TCF12: variants seen among roughly 807,000 people sequenced by gnomAD.
The protein encoded by TCF12 is transcription factor 12, also known as DNA-binding protein HTF4.
TCF12 carries 45 observed loss-of-function variants against 86.0 expected under a neutral mutation model. The ratio of observed to expected loss-of-function variants is 0.52; its 90% CI spans 0.41 to 0.67. The LOEUF (loss-of-function observed/expected upper bound fraction) is 0.67, where lower values mean the gene tolerates loss of function less well. Ranked by LOEUF, TCF12 falls within the 30% of genes least tolerant of loss-of-function variation. The probability of loss-of-function intolerance (pLI) is 0.00; values close to 1 mark genes in which losing one functional copy is unlikely to be tolerated. For synonymous variants in TCF12, 330 were observed against 299.6 expected (o/e 1.10, Z -1.05); for missense variants, 881 against 859.9 (o/e 1.02, Z -0.31).
Position 57,017,901 on chromosome 15 carries a change from T to C in TCF12, c.149-45849T>C, listed in dbSNP as rs542862297. On this transcript the variant is annotated intron_variant, in intron 3 of 20. Transcript: ENST00000333725. ...TAGAAAAGAAGGGATTGTCACATAA[T>C]ATAATCTGGGAAAGAAGGCAAGGGA... 1.6e-4 allele frequency among the ~76,000 whole-genome samples: 24 copies of C among 152,320 alleles called. No homozygotes were observed. The East Asian group carries it at 4.6e-3, about 29-fold the overall frequency.
intron 3 of TCF12, among the ~76,000 whole-genome samples, chr15:57,001,004 TAAA>T (rs1199006233): frequency 7.0e-6 from 1 of 142,930 alleles, no homozygotes; most frequent in Non-Finnish European, 1.5e-5. Flanking sequence ...TTTAAAAATT[TAAA>T]AAAAATTTTT....
chr15:57,018,496 T>C (rs1380113538), intron 3 of TCF12, among the ~76,000 whole-genome samples: 1 of 152,086 alleles, frequency 6.6e-6, no homozygotes, highest in Non-Finnish European at 1.5e-5. Flanking sequence ...GGGGCCTAGC[T>C]CTATCGCCCA....
At chr15:57,167,812 T>G (rs1225028368) in intron 6 of TCF12, among the ~76,000 whole-genome samples, 4 of 152,178 alleles carry the variant, frequency 2.6e-5, no homozygotes, top group African/African-American at 9.7e-5. Context: ...AAGTGATTTT[T>G]TAAAGTTTTA....
intron 3 of TCF12, among the ~76,000 whole-genome samples, chr15:56,960,591 G>A (rs1207477118): frequency 2.0e-5 from 3 of 151,570 alleles, no homozygotes; most frequent in East Asian, 2.0e-4. Flanking sequence ...CACCATGCAC[G>A]GCTAATTTTT....
At chr15:57,238,854 GT>G (rs1309169858) in intron 12 of TCF12, among the ~76,000 whole-genome samples, 2 of 152,140 alleles carry the variant, frequency 1.3e-5, no homozygotes, top group Admixed American at 1.3e-4. Context: ...ACAGTGTGAA[GT>G]AAAAGAGCAG....
intron 5 of TCF12, among the ~76,000 whole-genome samples, chr15:57,119,290 GTTTT>G (rs753736978): frequency 1.8e-4 from 27 of 150,894 alleles, no homozygotes; most frequent in South Asian, 6.3e-4. Context: ...TTGTTTGTTT[GTTTT>G]TTTGTTTTTT....
At chr15:56,966,693 T>C (rs1381536344) in intron 3 of TCF12, among the ~76,000 whole-genome samples, 1 of 152,266 alleles carries the variant, frequency 6.6e-6, no homozygotes, top group Non-Finnish European at 1.5e-5. Flanking sequence ...CTTATTTTTT[T>C]TCTCACATAG....
intron 3 of TCF12, among the ~76,000 whole-genome samples, chr15:56,945,143 A>G (rs1050705345): frequency 1.3e-5 from 2 of 152,224 alleles, no homozygotes; most frequent in African/African-American, 2.4e-5. Flanking sequence ...TTGCTGGTAT[A>G]TAAAAATAGT....
At chr15:57,217,760 G>T (rs1275661814) in intron 8 of TCF12, among the ~76,000 whole-genome samples, 2 of 151,932 alleles carry the variant, frequency 1.3e-5, no homozygotes, top group African/African-American at 4.8e-5. Flanking sequence ...GAGAGTAGCC[G>T]ATCTGTCAGT....
chr15:57,157,697 G>A lies in TCF12; in HGVS notation c.326-8705G>A, dbSNP rs142298798. 1.1e-4 allele frequency among the ~76,000 whole-genome samples: 16 copies of A among 151,896 alleles called. No individual in the cohort carries two copies. In the East Asian group the frequency reaches 3.1e-3, roughly 29 times the overall value. ...CCTGCCTCAGCCTCCCGAGTAGCTG[G>A]GACCACAGTTGTGCACCACTACACC... On this transcript the variant is annotated intron_variant, in intron 5 of 20. Coordinates refer to ENST00000333725, the MANE Select transcript of TCF12 (RefSeq NM_207037.2).
At chr15:57,186,839 T>C (rs1247747448) in intron 6 of TCF12, among the ~76,000 whole-genome samples, 2 of 151,828 alleles carry the variant, frequency 1.3e-5, no homozygotes, top group South Asian at 2.1e-4. Context: ...ACCACACTAA[T>C]AGAAAGAAAG....
intron 8 of TCF12, among the ~76,000 whole-genome samples, chr15:57,213,368 C>G (rs1343964175): frequency 2.0e-5 from 3 of 152,034 alleles, no homozygotes; most frequent in Non-Finnish European, 4.4e-5. Flanking sequence ...TGCTTTTTTA[C>G]TTTATTGTCA....
At chr15:57,072,530 T>C (rs1448106042) in intron 4 of TCF12, 5 of 421,212 alleles carry the variant, frequency 1.2e-5, no homozygotes, top group Admixed American at 5.5e-5. Flanking sequence ...ATTGTGTGTT[T>C]GCTATTGTTT....
intron 6 of TCF12, among the ~76,000 whole-genome samples, chr15:57,178,247 A>G (rs1297964665): frequency 1.3e-5 from 2 of 152,200 alleles, no homozygotes; most frequent in Non-Finnish European, 2.9e-5. Context: ...TGATAGGTAC[A>G]TGAAGGTTAA....
At chr15:57,034,927 A>G (rs1386387008) in intron 3 of TCF12, among the ~76,000 whole-genome samples, 3 of 152,196 alleles carry the variant, frequency 2.0e-5, no homozygotes, top group African/African-American at 7.2e-5. Context: ...GTGATTCTCC[A>G]ATTTTTTTAG....
At chr15:57,208,389 T>TTTTTTTTTTG (rs1555395452) in intron 8 of TCF12, among the ~76,000 whole-genome samples, 1 of 108,132 alleles carries the variant, frequency 9.2e-6, no homozygotes, top group East Asian at 2.6e-4. Context: ...CCTTTTTTTT[T>TTTTTTTTTTG]TTTTTTTTTT....
At chr15:57,253,564 A>G (rs1175701141) in intron 16 of TCF12, 96 bp downstream of exon 16, 6 of 1,426,596 alleles carry the variant, frequency 4.2e-6, no homozygotes, top group Non-Finnish European at 5.8e-6. Context: ...TTCTGAAAGG[A>G]AGGCAAAGAC....
At chr15:57,036,327 G>A (rs867748762) in intron 3 of TCF12, among the ~76,000 whole-genome samples, 2 of 152,094 alleles carry the variant, frequency 1.3e-5, no homozygotes, top group Non-Finnish European at 2.9e-5. Flanking sequence ...ATTTTAAAGG[G>A]GAGGTTGACT....
rs2059899503 is a variant in TCF12, at chr15:57,247,093, A to G, written c.1114+3543A>G. The G allele has an allele frequency of 1.2e-5, 7 of 573,866 alleles. No individual in the cohort carries two copies. In the Admixed American group the frequency reaches 1.4e-4, roughly 12 times the overall value. The allele number at this position is 573,866 out of a possible 1,614,324, so 35.5% of individuals were successfully genotyped here. A position where few individuals can be genotyped will look rare whatever the true frequency, so the allele number is the denominator to read the frequency against. ...TCACTATAATTTCCGAACTCATTAT[A>G]GTTCCCACCACCACCGTAGTTACCA... On this transcript the variant is annotated intron_variant, in intron 13 of 20. Transcript: ENST00000333725.
Sources: gnomAD v4.1 joint callset for allele counts (sites outside exome capture counted in the v4.1 genomes callset) on GRCh38, gnomAD v4.1.1 for gene constraint, MANE v1.5 for transcripts, NCBI Gene and HGNC (gene_info 2026-07-23, HGNC 2026-07-21) for gene names.